Variants in ZNF804B observed in about 807,000 individuals in gnomAD.
ZNF804B encodes the protein zinc finger 804B.
A neutral mutation model predicts 101.4 loss-of-function variants in ZNF804B; 80 were observed. The observed-to-expected ratio is 0.79, with a 90% CI of 0.66 to 0.95. ZNF804B has a LOEUF of 0.95. Ranked by LOEUF, ZNF804B falls within the 40% of genes least tolerant of loss-of-function variation. The pLI is 0.00. For synonymous variants in ZNF804B, 622 were observed against 558.8 expected (o/e 1.11, Z -1.59); for missense variants, 1,673 against 1,561.9 (o/e 1.07, Z -1.20).
chr7:88,812,823 A>AGTCCACATATATGACACATATATATGTG (rs2115738398), intron 1 of ZNF804B, among the ~76,000 whole-genome samples: 1 of 152,278 alleles, frequency 6.6e-6, no homozygotes, highest in Admixed American at 6.5e-5. Context: ...ATACTGTTTG[A>AGTCCACATATATGACACATATATATGTG]GTCCACATAT....
At chr7:89,199,447 G>C (rs551899357) in intron 1 of ZNF804B, among the ~76,000 whole-genome samples, 1 of 151,922 alleles carries the variant, frequency 6.6e-6, no homozygotes, top group African/African-American at 2.4e-5. Context: ...ACAAAACTTA[G>C]GAAATATGAA....
intron 1 of ZNF804B, among the ~76,000 whole-genome samples, chr7:88,857,428 G>A (rs964157760): frequency 1.3e-5 from 2 of 151,970 alleles, no homozygotes; most frequent in Admixed American, 6.6e-5. Flanking sequence ...TGATAAAGGG[G>A]ATATCACCAC....
intron 1 of ZNF804B, among the ~76,000 whole-genome samples, chr7:88,829,283 ATGTCAT>A (rs1791096816): frequency 6.6e-6 from 1 of 151,964 alleles, no homozygotes; most frequent in Non-Finnish European, 1.5e-5. Context: ...ATGATCTATT[ATGTCAT>A]TGTGAAGGCT....
chr7:88,890,082 A>G (rs1244043477), intron 1 of ZNF804B, among the ~76,000 whole-genome samples: 1 of 152,160 alleles, frequency 6.6e-6, no homozygotes, highest in Non-Finnish European at 1.5e-5. Flanking sequence ...AAGTTATTTC[A>G]TAATACATTT....
intron 1 of ZNF804B, among the ~76,000 whole-genome samples, chr7:88,955,105 A>C (rs1321881599): frequency 6.6e-6 from 1 of 150,928 alleles, no homozygotes; most frequent in Non-Finnish European, 1.5e-5. Flanking sequence ...ATTTAAAAAA[A>C]AAAAAAAGGA....
chr7:89,038,613 A>G (rs889125208), intron 1 of ZNF804B, among the ~76,000 whole-genome samples: 1 of 152,006 alleles, frequency 6.6e-6, no homozygotes, highest in African/African-American at 2.4e-5. Flanking sequence ...ATTCTGTAGG[A>G]TGTCTCTTTA....
intron 1 of ZNF804B, among the ~76,000 whole-genome samples, chr7:88,802,676 A>G (rs1033180409): frequency 2.6e-5 from 4 of 151,950 alleles, no homozygotes; most frequent in Admixed American, 1.3e-4. Flanking sequence ...AAGATAATAT[A>G]TTCTACCCTC....
intron 1 of ZNF804B, among the ~76,000 whole-genome samples, chr7:89,198,628 T>C (rs1432589862): frequency 6.6e-6 from 1 of 151,998 alleles, no homozygotes; most frequent in African/African-American, 2.4e-5. Flanking sequence ...GATTAAACAT[T>C]ATTTATTGTT....
intron 1 of ZNF804B, among the ~76,000 whole-genome samples, chr7:89,029,071 G>A (rs1330846725): frequency 1.3e-5 from 2 of 152,104 alleles, no homozygotes; most frequent in African/African-American, 4.8e-5. Context: ...GAATGACAAT[G>A]AATAATAGCT....
chr7:88,994,899 A>C (rs565183243), intron 1 of ZNF804B, among the ~76,000 whole-genome samples: 14 of 152,118 alleles, frequency 9.2e-5, no homozygotes, highest in Non-Finnish European at 2.1e-4. Flanking sequence ...GAAATCAACC[A>C]TAAAAATTAA....
chr7:88,838,666 C>A (rs1026964911), intron 1 of ZNF804B, among the ~76,000 whole-genome samples: 2 of 151,836 alleles, frequency 1.3e-5, no homozygotes, highest in Non-Finnish European at 2.9e-5. Flanking sequence ...AGAGCAGGGG[C>A]TCAGACTTTC....
intron 1 of ZNF804B, among the ~76,000 whole-genome samples, chr7:89,037,560 T>C (rs933692047): frequency 1.3e-5 from 2 of 149,200 alleles, no homozygotes; most frequent in Non-Finnish European, 2.9e-5. Flanking sequence ...CACAATGTAA[T>C]GCATGGATAT....
chr7:89,277,920 G>A (rs550063825), intron 2 of ZNF804B, among the ~76,000 whole-genome samples: 6 of 152,070 alleles, frequency 3.9e-5, no homozygotes, highest in Non-Finnish European at 7.3e-5. Context: ...ATGAAGAGTC[G>A]CCACACTGAC....
intron 1 of ZNF804B, among the ~76,000 whole-genome samples, chr7:89,171,356 T>TTCTTCTTCCTCC (rs1282426438): frequency 1.0e-5 from 1 of 99,280 alleles, no homozygotes. Context: ...CTTCTTCTTC[T>TTCTTCTTCCTCC]TCCTCCTCTT....
intron 1 of ZNF804B, among the ~76,000 whole-genome samples, chr7:89,045,376 G>A (rs1184624510): frequency 6.6e-6 from 1 of 152,210 alleles, no homozygotes; most frequent in East Asian, 1.9e-4. Flanking sequence ...ACTGGGCACT[G>A]CCTAGTAGAG....
chr7:89,039,500 T>G (rs1788981954), intron 1 of ZNF804B, among the ~76,000 whole-genome samples: 1 of 152,054 alleles, frequency 6.6e-6, no homozygotes, highest in African/African-American at 2.4e-5. Context: ...TTTAGATAAT[T>G]TACTATTACA....
intron 2 of ZNF804B, among the ~76,000 whole-genome samples, chr7:89,247,421 C>G (rs1033059564): frequency 1.3e-5 from 2 of 152,194 alleles, no homozygotes; most frequent in Admixed American, 6.5e-5. Flanking sequence ...TAAGCACCAT[C>G]TACTGGCTGG....
At chr7:88,818,653 C>T (rs1228687487) in intron 1 of ZNF804B, among the ~76,000 whole-genome samples, 4 of 152,132 alleles carry the variant, frequency 2.6e-5, no homozygotes, top group African/African-American at 9.7e-5. Context: ...GAGGGGATTC[C>T]ATAGCATAGG....
rs1374258474 is a variant in ZNF804B, at chr7:89,155,997, T to TTC, written c.109-62156_109-62155dup. 3.3e-3 allele frequency among the ~76,000 whole-genome samples: 424 copies of TTC among 128,664 alleles called. 3 individuals carry two copies. The highest frequency in any genetic ancestry group is 0.012 in the African/African-American group (406 of 35,248). 84.4% of individuals were successfully genotyped at this position (128,664 alleles called of 152,430 possible). On this transcript the variant is annotated intron_variant, in intron 1 of 3. Transcript: ENST00000333190. ...CTCTTTCCTTCCTTCCTTTCCTTCT[T>TTC]TCTTTCTTTCTTTCTCTCTTTCCTT...
Sources: allele counts gnomAD v4.1 joint callset (sites outside exome capture counted in the v4.1 genomes callset), GRCh38; gene constraint gnomAD v4.1.1; transcripts MANE v1.5; gene names NCBI Gene and HGNC (gene_info 2026-07-23, HGNC 2026-07-21).